The following NKAIN2 variants were observed in gnomAD, a reference collection of about 807,000 sequenced individuals.
NKAIN2 encodes sodium/potassium-transporting ATPase subunit beta-1-interacting protein 2.
In NKAIN2, 14 loss-of-function variants were observed where a neutral mutation model predicts 32.6. That is an observed-to-expected ratio of 0.43 (90% CI 0.28 to 0.67). The LOEUF is 0.67. Ranked by LOEUF, NKAIN2 falls within the 30% of genes least tolerant of loss-of-function variation. The pLI, the probability that NKAIN2 is intolerant of heterozygous loss-of-function variation, is 0.17. For synonymous variants in NKAIN2, 80 were observed against 87.2 expected (o/e 0.92, Z 0.46); for missense variants, 198 against 258.3 (o/e 0.77, Z 1.60).
rs150289619 is a variant in NKAIN2 at position 124,623,172 on chromosome 6, G to T, written c.274-35014G>T. Reference sequence around the variant, plus strand: ...TGGGATTCAATTATGGAGATAATTGGGGAGGCATCATTCAACCCACTGTAA... The same window carrying T: ...TGGGATTCAATTATGGAGATAATTGTGGAGGCATCATTCAACCCACTGTAA... On this transcript the variant is annotated intron_variant, in intron 3 of 6. Coordinates refer to ENST00000368417, the MANE Select transcript of NKAIN2 (RefSeq NM_001040214.3). Among the ~76,000 whole-genome samples the T allele has an allele frequency of 7.2e-5, 11 of 152,212 alleles. No individual in the cohort carries two copies. The East Asian group carries it at 2.1e-3, about 29-fold the overall frequency.
chr6:124,263,205 C>G (rs1259008797), intron 1 of NKAIN2, among the ~76,000 whole-genome samples: 2 of 152,116 alleles, frequency 1.3e-5, no homozygotes, highest in Non-Finnish European at 2.9e-5. Context: ...AGTACACATA[C>G]AAGCAGTCAT....
chr6:123,853,091 T>G (rs531103631), intron 1 of NKAIN2, among the ~76,000 whole-genome samples: 357 of 152,356 alleles, frequency 2.3e-3, no homozygotes, highest in African/African-American at 8.2e-3. Flanking sequence ...CTTGATACTG[T>G]GTGCCACAGA....
chr6:124,565,279 C>T (rs960049781), intron 3 of NKAIN2, among the ~76,000 whole-genome samples: 17 of 152,132 alleles, frequency 1.1e-4, no homozygotes, highest in Admixed American at 1.1e-3. Flanking sequence ...GGACAACAAC[C>T]ACAATGTCAG....
chr6:124,362,228 A>G (rs1442660035), intron 3 of NKAIN2, among the ~76,000 whole-genome samples: 1 of 152,088 alleles, frequency 6.6e-6, no homozygotes. Flanking sequence ...ATTAACTATT[A>G]CTAAAGTAAT....
intron 4 of NKAIN2, among the ~76,000 whole-genome samples, chr6:124,663,324 A>C (rs1366141359): frequency 1.3e-5 from 2 of 151,948 alleles, no homozygotes; most frequent in Non-Finnish European, 2.9e-5. Flanking sequence ...CCCGCTACTC[A>C]GGAGGCTAAG....
At chr6:123,942,172 A>G (rs960322430) in intron 1 of NKAIN2, among the ~76,000 whole-genome samples, 4 of 151,998 alleles carry the variant, frequency 2.6e-5, no homozygotes, top group Non-Finnish European at 5.9e-5. Flanking sequence ...GGAGCACATG[A>G]GAAATTATTT....
chr6:124,698,027 TAC>T (rs1343220157), intron 4 of NKAIN2, among the ~76,000 whole-genome samples: 25 of 152,270 alleles, frequency 1.6e-4, no homozygotes, highest in Non-Finnish European at 1.6e-4. Flanking sequence ...ATGGAGCAAA[TAC>T]ACAGAGACAG....
rs1179136700 is a variant in NKAIN2 at position 124,137,442 on chromosome 6, T to C, written c.55-145563T>C. Among the ~76,000 whole-genome samples the C allele has an allele frequency of 6.6e-5, 10 of 152,112 alleles. No individual in the cohort carries two copies. The East Asian group carries it at 1.9e-3, about 29-fold the overall frequency. ...GACAATGACCATGCTGCCAAAAGCA[T>C]TCTACAAATTCAGTACAATTCCTAT... On this transcript the variant is annotated intron_variant, in intron 1 of 6. Coordinates refer to ENST00000368417, the MANE Select transcript of NKAIN2 (RefSeq NM_001040214.3).
chr6:124,482,162 G>A (rs897121337), intron 3 of NKAIN2, among the ~76,000 whole-genome samples: 1 of 152,026 alleles, frequency 6.6e-6, no homozygotes, highest in Non-Finnish European at 1.5e-5. Context: ...CTCAAAAATT[G>A]GATTTATAAT....
intron 1 of NKAIN2, among the ~76,000 whole-genome samples, chr6:123,832,974 C>T (rs980702293): frequency 6.6e-6 from 1 of 152,042 alleles, no homozygotes; most frequent in Admixed American, 6.5e-5. Flanking sequence ...TCTACCTTAT[C>T]GATTTATTTT....
At chr6:123,824,258 A>C (rs1007315321) in intron 1 of NKAIN2, among the ~76,000 whole-genome samples, 1 of 152,110 alleles carries the variant, frequency 6.6e-6, no homozygotes, top group African/African-American at 2.4e-5. Flanking sequence ...CACCCTACCA[A>C]TAATCACCAC....
chr6:124,697,437 ATT>A lies in NKAIN2; in HGVS notation c.474+39053_474+39054del, dbSNP rs1304115868. Among the ~76,000 whole-genome samples the A allele has an allele frequency of 8.5e-5, 13 of 152,270 alleles. No homozygotes were observed. In the East Asian group the frequency reaches 2.5e-3, roughly 29 times the overall value. ...CTTATATTCTAAGATTTTCATCACA[ATT>A]TGTTTCTTCATATAAAACATCTATT... On this transcript the variant is annotated intron_variant, in intron 4 of 6. Coordinates refer to ENST00000368417, the MANE Select transcript of NKAIN2 (RefSeq NM_001040214.3).
intron 3 of NKAIN2, among the ~76,000 whole-genome samples, chr6:124,419,896 A>T (rs1428658857): frequency 6.6e-6 from 1 of 152,130 alleles, no homozygotes; most frequent in East Asian, 1.9e-4. Context: ...CACTGCTGAC[A>T]GTATGAAAAT....
intron 4 of NKAIN2, among the ~76,000 whole-genome samples, chr6:124,685,556 G>A (rs1396126363): frequency 6.6e-6 from 1 of 152,082 alleles, no homozygotes; most frequent in Non-Finnish European, 1.5e-5. Context: ...TAATGAAAAA[G>A]TGATTATCTT....
At chr6:124,394,817 A>C (rs1359695693) in intron 3 of NKAIN2, among the ~76,000 whole-genome samples, 1 of 152,080 alleles carries the variant, frequency 6.6e-6, no homozygotes, top group Non-Finnish European at 1.5e-5. Context: ...ATCCACAAAC[A>C]CCCATAATAG....
chr6:124,762,510 T>C (rs1778318263), intron 4 of NKAIN2, among the ~76,000 whole-genome samples: 1 of 152,188 alleles, frequency 6.6e-6, no homozygotes, highest in Non-Finnish European at 1.5e-5. Context: ...AATATAGTCA[T>C]AAAAGTATAG....
At chr6:124,131,396 C>G (rs528044997) in intron 1 of NKAIN2, among the ~76,000 whole-genome samples, 10 of 152,148 alleles carry the variant, frequency 6.6e-5, no homozygotes, top group Admixed American at 6.6e-4. Flanking sequence ...ACATGCATCT[C>G]CCACTTGGCC....
At chr6:123,826,133 C>T (rs974468283) in intron 1 of NKAIN2, among the ~76,000 whole-genome samples, 2 of 152,066 alleles carry the variant, frequency 1.3e-5, no homozygotes, top group African/African-American at 4.8e-5. Context: ...GAAGTCCCAG[C>T]AAGGCCACTC....
chr6:124,292,889 C>T (rs1290168716), intron 2 of NKAIN2, among the ~76,000 whole-genome samples: 1 of 151,980 alleles, frequency 6.6e-6, no homozygotes, highest in African/African-American at 2.4e-5. Flanking sequence ...TTATAAGAAA[C>T]ACACTCATGA....
Sources: gnomAD v4.1 joint callset for allele counts (sites outside exome capture counted in the v4.1 genomes callset) on GRCh38, gnomAD v4.1.1 for gene constraint, MANE v1.5 for transcripts, NCBI Gene and HGNC (gene_info 2026-07-23, HGNC 2026-07-21) for gene names.